The following PRKN variants were observed in gnomAD, a reference collection of about 807,000 sequenced individuals.
The protein encoded by PRKN is E3 ubiquitin-protein ligase parkin.
Under a neutral mutation model 59.5 loss-of-function variants are expected in PRKN, and 56 were observed. The observed-to-expected ratio is 0.94, with a 90% confidence interval of 0.76 to 1.18. The LOEUF is 1.18. PRKN is among the 50% of genes most tolerant of loss of function. PRKN has a pLI of 0.00. For missense variants in PRKN, 657 were observed against 596.4 expected (o/e 1.10, Z -1.06); for synonymous variants, 250 against 222.1 (o/e 1.13, Z -1.12).
chr6:161,857,958 A>C (rs553999569), intron 6 of PRKN, among the ~76,000 whole-genome samples: 30 of 152,212 alleles, frequency 2.0e-4, no homozygotes, highest in Admixed American at 6.5e-5. Context: ...TCCAATTATC[A>C]CGTTGGTGCA....
At position 162,720,438 on chromosome 6, in the gene PRKN, C is replaced by CTTT. The variant is rs148313968; in HGVS notation, c.7+7221_7+7223dup. On this transcript the variant is annotated intron_variant, in intron 1 of 11. Coordinates refer to ENST00000366898, the MANE Select transcript of PRKN (RefSeq NM_004562.3). Reference sequence around the variant, plus strand: ...ATACACACATCTGTCCATAGATGGTCTTTTTTTTTTTTTTTTTTTTTTTGA... The same window carrying CTTT: ...ATACACACATCTGTCCATAGATGGTCTTTTTTTTTTTTTTTTTTTTTTTTTTGA... 1.3e-3 allele frequency among the ~76,000 whole-genome samples: 119 copies of CTTT among 90,076 alleles called. 1 individual carries two copies. The highest frequency in any genetic ancestry group is 1.7e-3 in the Non-Finnish European group (82 of 47,240). 59.1% of individuals were successfully genotyped at this position (90,076 alleles called of 152,430 possible).
chr6:161,651,342 G>C (rs1784142791), intron 7 of PRKN, among the ~76,000 whole-genome samples: 1 of 152,142 alleles, frequency 6.6e-6, no homozygotes, highest in Admixed American at 6.6e-5. Context: ...ATGTCTTTAA[G>C]TCTCTAATAT....
chr6:161,892,705 C>T (rs1777453414), intron 6 of PRKN, among the ~76,000 whole-genome samples: 1 of 152,138 alleles, frequency 6.6e-6, no homozygotes, highest in Admixed American at 6.5e-5. Context: ...TGCCACTGCA[C>T]TCCAGCCTTG....
intron 2 of PRKN, among the ~76,000 whole-genome samples, chr6:162,401,113 T>C (rs974596677): frequency 6.6e-6 from 1 of 151,726 alleles, no homozygotes; most frequent in Non-Finnish European, 1.5e-5. Flanking sequence ...AAACAAGGAA[T>C]AAAAAGTATG....
intron 1 of PRKN, among the ~76,000 whole-genome samples, chr6:162,582,357 C>A (rs922402866): frequency 2.0e-5 from 3 of 152,166 alleles, no homozygotes; most frequent in African/African-American, 7.2e-5. Flanking sequence ...TGACTTTGCA[C>A]ATATGAAAGC....
In PRKN at chr6:161,473,659, GAGGAC is replaced by G. The variant is rs759498042; in HGVS notation, c.1083+75190_1083+75194del. 0.078 allele frequency among the ~76,000 whole-genome samples: 11,826 copies of G among 151,982 alleles called. 666 individuals are homozygous for G. The highest frequency in any genetic ancestry group is 0.16 in the African/African-American group (6,673 of 41,416). On this transcript the variant is annotated intron_variant, in intron 9 of 11. Coordinates refer to ENST00000366898, the MANE Select transcript of PRKN (RefSeq NM_004562.3). The surrounding 1 kb of genome is among the most constrained non-coding windows in gnomAD (Gnocchi z 4.1). ...GGACAAATATTCTAGAAATGTACTA[GAGGAC>G]TATAATTATAATATTGTATAATGAA...
intron 1 of PRKN, among the ~76,000 whole-genome samples, chr6:162,541,923 T>C (rs934257662): frequency 6.6e-6 from 1 of 152,142 alleles, no homozygotes; most frequent in Non-Finnish European, 1.5e-5. Context: ...TCTATGAGTA[T>C]GGGCGTCCTA....
Position 162,513,469 on chromosome 6 carries a change from GAAGAA to G in PRKN, c.8-70001_8-69997del, listed in dbSNP as rs138108454. 7.4e-3 allele frequency among the ~76,000 whole-genome samples: 945 copies of G among 128,268 alleles called. 11 individuals are homozygous for G. The highest frequency in any genetic ancestry group is 0.023 in the African/African-American group (856 of 37,576). The allele number at this position is 128,268 out of a possible 152,430, so 84.1% of individuals were successfully genotyped here. A position where few individuals can be genotyped will look rare whatever the true frequency, so the allele number is the denominator to read the frequency against. ...AGCCTGGGCAACAGAGTGAGATTCTGAAGAAAAGAAAAGAAAAGAAAAGAGGGAAA... is the reference window on the plus strand; with the variant it reads ...AGCCTGGGCAACAGAGTGAGATTCTGAAGAAAAGAAAAGAAAAGAGGGAAA... On this transcript the variant is annotated intron_variant, in intron 1 of 11. Transcript: ENST00000366898.
Position 161,530,481 on chromosome 6 carries a change from G to A in PRKN, c.1083+18373C>T, listed in dbSNP as rs940209370. 6.6e-5 allele frequency among the ~76,000 whole-genome samples: 10 copies of A among 151,892 alleles called. No homozygotes were observed. The highest frequency in any genetic ancestry group is 1.9e-4 in the East Asian group (1 of 5,184). ...AATTGGAGCAGCCTCATTCCGTGTC[G>A]AAGAAGACCTATACGGCTTGCTTCT... On this transcript the variant is annotated intron_variant, in intron 9 of 11. Transcript: ENST00000366898. The surrounding 1 kb of genome is among the most constrained non-coding windows in gnomAD (Gnocchi z 5.0).
At chr6:162,263,773 G>A (rs1212581603) in intron 2 of PRKN, among the ~76,000 whole-genome samples, 1 of 151,786 alleles carries the variant, frequency 6.6e-6, no homozygotes, top group East Asian at 1.9e-4. Context: ...GACCAACATG[G>A]CAAAACCCCA....
chr6:161,692,695 G>A (rs901969917), intron 7 of PRKN, among the ~76,000 whole-genome samples: 6 of 152,256 alleles, frequency 3.9e-5, no homozygotes, highest in Non-Finnish European at 7.4e-5. Flanking sequence ...ATTTGAGGTC[G>A]AGAATTTGAG....
chr6:162,319,645 T>C lies in PRKN; in HGVS notation c.172-56880A>G, dbSNP rs896141028. On this transcript the variant is annotated intron_variant, in intron 2 of 11. Coordinates refer to ENST00000366898, the MANE Select transcript of PRKN (RefSeq NM_004562.3). ...ACAAACCAATAAGGAAAATACATTA[T>C]TTCAAATGAAAATAGGCTTGGGATG... 3.9e-5 allele frequency among the ~76,000 whole-genome samples: 6 copies of C among 152,058 alleles called. 1 individual carries two copies. The highest frequency in any genetic ancestry group is 3.9e-4 in the Admixed American group (6 of 15,254).
At chr6:161,609,115 T>C (rs1027776343) in intron 7 of PRKN, among the ~76,000 whole-genome samples, 1 of 152,234 alleles carries the variant, frequency 6.6e-6, no homozygotes, top group African/African-American at 2.4e-5. Flanking sequence ...TTCTGAATTA[T>C]GGGACATAGG....
chr6:162,297,921 A>G (rs1293825297), intron 2 of PRKN, among the ~76,000 whole-genome samples: 2 of 152,174 alleles, frequency 1.3e-5, no homozygotes, highest in African/African-American at 2.4e-5. Flanking sequence ...TGTTCATGTC[A>G]GTAGTTACAA....
At position 161,499,212 on chromosome 6, in the gene PRKN, G is replaced by C. The variant is rs993706236; in HGVS notation, c.1083+49642C>G. Among the ~76,000 whole-genome samples the C allele has an allele frequency of 3.3e-5, 5 of 149,900 alleles. No individual in the cohort carries two copies. Among genetic ancestry groups the C allele is most frequent in the African/African-American group, 1.2e-4 (5 of 40,562 alleles). On this transcript the variant is annotated intron_variant, in intron 9 of 11. Transcript: ENST00000366898. The surrounding 1 kb of genome is among the most constrained non-coding windows in gnomAD (Gnocchi z 4.2). ...TACAGATTGGGAGATCAACGTAAAA[G>C]ATGCATCCTAAACTTCCCTTGCTAA...
intron 1 of PRKN, among the ~76,000 whole-genome samples, chr6:162,608,862 AGGGACAGGAGGGTATCTACTGGGGCAT>A (rs376955539): frequency 2.0e-5 from 3 of 152,226 alleles, no homozygotes; most frequent in East Asian, 3.9e-4. Context: ...TTAGGACTGA[AGGGACAGGAGGGTATCTACTGGGGCAT>A]GGGACAGGAG....
At chr6:162,561,066 A>G (rs1422052218) in intron 1 of PRKN, among the ~76,000 whole-genome samples, 3 of 152,132 alleles carry the variant, frequency 2.0e-5, no homozygotes, top group Non-Finnish European at 4.4e-5. Flanking sequence ...CGATCAAAGG[A>G]GCAGGGCGAC....
At chr6:162,048,328 C>G (rs1235436408) in intron 5 of PRKN, among the ~76,000 whole-genome samples, 1 of 151,540 alleles carries the variant, frequency 6.6e-6, no homozygotes. Context: ...GAGTAAATAC[C>G]CCCATCCTAA....
chr6:161,902,759 G>A (rs1777982771), intron 6 of PRKN, among the ~76,000 whole-genome samples: 1 of 151,922 alleles, frequency 6.6e-6, no homozygotes, highest in Non-Finnish European at 1.5e-5. Context: ...GTTTCGCCAT[G>A]TTGGCCAGGC....
Sources: gnomAD v4.1 joint callset for allele counts (sites outside exome capture counted in the v4.1 genomes callset) on GRCh38, gnomAD v4.1.1 for gene constraint, Gnocchi (gnomAD v3.1) non-coding constraint, MANE v1.5 for transcripts, NCBI Gene and HGNC (gene_info 2026-07-23, HGNC 2026-07-21) for gene names.